Variants in ADGB observed in about 807,000 individuals in gnomAD.
ADGB encodes the protein androglobin, also known as calpain-7-like protein.
A neutral mutation model predicts 210.5 loss-of-function variants in ADGB; 172 were observed. That is an observed-to-expected ratio of 0.82 (90% CI 0.72 to 0.93). ADGB has a LOEUF of 0.93. ADGB is among the 40% of genes least tolerant of loss of function. The pLI is 0.00. For synonymous variants in ADGB, 658 were observed against 662.7 expected, an observed-to-expected ratio of 0.99 and a Z score of 0.11; for missense variants, 2,025 against 1,964.8, an observed-to-expected ratio of 1.03 and a Z score of -0.58.
At chr6:146,744,581 C>T (rs1278245177) in intron 25 of ADGB, among the ~76,000 whole-genome samples, 1 of 152,170 alleles carries the variant, frequency 6.6e-6, no homozygotes, top group Non-Finnish European at 1.5e-5. Context: ...TATTATTAAA[C>T]TTACTAATCT....
intron 29 of ADGB, among the ~76,000 whole-genome samples, chr6:146,777,002 G>A (rs1204952354): frequency 6.6e-6 from 1 of 151,998 alleles, no homozygotes; most frequent in Non-Finnish European, 1.5e-5. Context: ...AGCTGAGATT[G>A]TTGGCAGAAG....
intron 10 of ADGB, 140 bp from the exon 11 acceptor site, chr6:146,690,976 T>C (rs1046087030): frequency 1.4e-5 from 7 of 510,860 alleles, no homozygotes; most frequent in Admixed American, 1.2e-4. Context: ...ATAATGCTTA[T>C]ATTAAGAGAG....
chr6:146,790,478 T>A (rs938184994), intron 33 of ADGB, among the ~76,000 whole-genome samples: 4 of 152,186 alleles, frequency 2.6e-5, no homozygotes, highest in African/African-American at 9.6e-5. Flanking sequence ...TTACTTAGCA[T>A]CTTGTCCTCC....
At chr6:146,661,524 A>G (rs1775858761) in intron 5 of ADGB, among the ~76,000 whole-genome samples, 1 of 151,970 alleles carries the variant, frequency 6.6e-6, no homozygotes, top group Non-Finnish European at 1.5e-5. Flanking sequence ...AACCACTGAT[A>G]TAGTTTTTTT....
intron 35 of ADGB, among the ~76,000 whole-genome samples, chr6:146,805,200 A>G (rs1420086108): frequency 1.3e-5 from 2 of 152,146 alleles, no homozygotes; most frequent in East Asian, 1.9e-4. Context: ...GGCTGTGACT[A>G]TTTCTACCCA....
intron 4 of ADGB, among the ~76,000 whole-genome samples, chr6:146,654,631 C>T (rs1444900134): frequency 6.6e-6 from 1 of 152,096 alleles, no homozygotes; most frequent in Non-Finnish European, 1.5e-5. Context: ...GGATTACAAG[C>T]ATCAGCCCCT....
intron 33 of ADGB, among the ~76,000 whole-genome samples, chr6:146,799,216 C>T (rs879800608): frequency 6.6e-5 from 10 of 152,038 alleles, no homozygotes; most frequent in Non-Finnish European, 1.3e-4. Flanking sequence ...CCACTAAAAT[C>T]AGGAGCAAGC....
In ADGB at chr6:146,801,296, A is replaced by G. The variant is rs1421356320; in HGVS notation, c.4634+17A>G. On this transcript the variant is annotated intron_variant, in intron 34 of 35. Transcript: ENST00000397944. ...ATATGTTCGGTAAGTTTTCATAAAC[A>G]TGATTGATGCAGACAACTGTGTGTT... The G allele has an allele frequency of 1.5e-6, 2 of 1,345,398 alleles. No individual in the cohort carries two copies. The highest frequency in any genetic ancestry group is 1.5e-5 in the African/African-American group (1 of 66,078). The allele number at this position is 1,345,398 out of a possible 1,614,324, so 83.3% of individuals were successfully genotyped here. A position where few individuals can be genotyped will look rare whatever the true frequency, so the allele number is the denominator to read the frequency against.
intron 9 of ADGB, among the ~76,000 whole-genome samples, chr6:146,680,942 A>C (rs1776149082): frequency 1.3e-5 from 2 of 152,152 alleles, no homozygotes; most frequent in Admixed American, 1.3e-4. Context: ...TGAATTCTAA[A>C]GTTCTATACC....
chr6:146,814,373 A>T (rs1385055887), intron 35 of ADGB, among the ~76,000 whole-genome samples: 5 of 152,334 alleles, frequency 3.3e-5, no homozygotes, highest in South Asian at 2.1e-4. Flanking sequence ...AGAAAAGGAG[A>T]AATCAGCAAA....
intron 13 of ADGB, among the ~76,000 whole-genome samples, chr6:146,712,224 G>C (rs1390653008): frequency 6.6e-6 from 1 of 150,458 alleles, no homozygotes; most frequent in East Asian, 2.0e-4. Context: ...TCACTCTGTT[G>C]CCCAGGCTGG....
chr6:146,649,885 C>T (rs1433429770), intron 3 of ADGB, among the ~76,000 whole-genome samples: 1 of 152,162 alleles, frequency 6.6e-6, no homozygotes, highest in African/African-American at 2.4e-5. Flanking sequence ...TACTCACTTA[C>T]TCATAAGCCA....
At chr6:146,789,293 A>C (rs1777922211) in intron 33 of ADGB, among the ~76,000 whole-genome samples, 1 of 152,208 alleles carries the variant, frequency 6.6e-6, no homozygotes, top group Non-Finnish European at 1.5e-5. Context: ...ACTGTGCTGG[A>C]ACAGTCAGTC....
intron 13 of ADGB, among the ~76,000 whole-genome samples, chr6:146,704,396 A>G (rs1346059595): frequency 6.6e-6 from 1 of 151,882 alleles, no homozygotes; most frequent in Non-Finnish European, 1.5e-5. Flanking sequence ...AAGTTCTTGG[A>G]GCTTATCCCT....
chr6:146,811,237 GGTTT>G (rs1436952803), intron 35 of ADGB, among the ~76,000 whole-genome samples: 2 of 151,786 alleles, frequency 1.3e-5, no homozygotes, highest in African/African-American at 4.8e-5. Context: ...TTTATATACT[GGTTT>G]GTTTTACAAA....
At chr6:146,606,455 C>T (rs1224166233) in intron 1 of ADGB, among the ~76,000 whole-genome samples, 2 of 152,154 alleles carry the variant, frequency 1.3e-5, no homozygotes, top group Non-Finnish European at 2.9e-5. Context: ...GAGCCTTCAT[C>T]ATAAAATATT....
chr6:146,766,430 AAAATTAAATT>A (rs71552958), intron 28 of ADGB, among the ~76,000 whole-genome samples: 4,954 of 139,386 alleles, frequency 0.036, 116 homozygotes, highest in Middle Eastern at 0.066. Flanking sequence ...CTGTCTCAGT[AAAATTAAATT>A]AAATTAAATT....
chr6:146,772,443 G>A (rs1331090128), intron 29 of ADGB, among the ~76,000 whole-genome samples: 3 of 141,352 alleles, frequency 2.1e-5, no homozygotes, highest in Non-Finnish European at 4.6e-5. Context: ...ATATCACACA[G>A]CTGGTTGCTG....
chr6:146,789,492 T>C (rs970761810), intron 33 of ADGB, among the ~76,000 whole-genome samples: 1 of 152,204 alleles, frequency 6.6e-6, no homozygotes, highest in Non-Finnish European at 1.5e-5. Context: ...TGCTAAACAA[T>C]TCTGAGAATT....
Sources: gnomAD v4.1 joint callset for allele counts (sites outside exome capture counted in the v4.1 genomes callset) on GRCh38, gnomAD v4.1.1 for gene constraint, MANE v1.5 for transcripts, NCBI Gene and HGNC (gene_info 2026-07-23, HGNC 2026-07-21) for gene names.